The following POLE variants were observed in gnomAD, a reference collection of about 807,000 sequenced individuals.
POLE encodes the protein DNA polymerase epsilon catalytic subunit A.
POLE carries 188 observed loss-of-function variants against 279.2 expected under a neutral mutation model. The ratio of observed to expected loss-of-function variants is 0.67; its 90% CI spans 0.60 to 0.76. The LOEUF is 0.76. Ranked by LOEUF, POLE falls within the 30% of genes least tolerant of loss-of-function variation. The probability of loss-of-function intolerance (pLI) is 0.00; values close to 1 mark genes in which losing one functional copy is unlikely to be tolerated. For synonymous variants in POLE, 1,214 were observed against 1,172.5 expected (o/e 1.04, Z -0.72); for missense variants, 2,703 against 3,016.7 (o/e 0.90, Z 2.44).
rs534045598 is a variant in POLE, at chr12:132,639,067, G to A, written c.5552+58C>T. On this transcript the variant is annotated intron_variant, in intron 40 of 48. Coordinates refer to ENST00000320574, the MANE Select transcript of POLE (RefSeq NM_006231.4). The surrounding 1 kb of genome is among the most constrained non-coding windows in gnomAD (Gnocchi z 4.7). Reference sequence around the variant, plus strand: ...CTGGCCATGTCTCTGGTTCTGGGGAGTAAGGGACCAGCCCAGCTGAGGACG... The same window carrying A: ...CTGGCCATGTCTCTGGTTCTGGGGAATAAGGGACCAGCCCAGCTGAGGACG... 2.8e-5 allele frequency: 42 copies of A among 1,491,592 alleles called. No individual in the cohort carries two copies. The African/African-American group carries it at 4.5e-4, about 16-fold the overall frequency. 92.4% of individuals were successfully genotyped at this position (1,491,592 alleles called of 1,614,324 possible).
At chr12:132,636,058 G>A (rs2138487944) in intron 41 of POLE, 34 bp from the exon 42 acceptor site, 1 of 1,597,522 alleles carries the variant, frequency 6.3e-7, no homozygotes, top group South Asian at 1.1e-5. Context: ...CTGCTTCAGT[G>A]AAATCGACCT....
chr12:132,638,189 G>A (rs771713606), intron 40 of POLE, 50 bp from the exon 41 acceptor site: 7 of 1,568,230 alleles, frequency 4.5e-6, no homozygotes, highest in Non-Finnish European at 6.1e-6. Flanking sequence ...GTCATGGAGA[G>A]CCAGAGGGCA....
intron 1 of POLE, 59 bp from the exon 2 acceptor site, chr12:132,681,338 TTTTTC>T: frequency 6.6e-7 from 1 of 1,522,916 alleles, no homozygotes; most frequent in Non-Finnish European, 8.9e-7. Flanking sequence ...GCTGCTTCTT[TTTTTC>T]TTTTTTTTCT....
rs2042986332 is a variant in POLE, at chr12:132,673,875, C to T, written c.1227-168G>A. 1.3e-5 allele frequency among the ~76,000 whole-genome samples: 2 copies of T among 152,204 alleles called. 1 individual carries two copies. Among genetic ancestry groups the T allele is most frequent in the South Asian group, 4.1e-4 (2 of 4,836 alleles). On this transcript the variant is annotated intron_variant, in intron 12 of 48. Coordinates refer to ENST00000320574, the MANE Select transcript of POLE (RefSeq NM_006231.4). ...GTGTAGACACCTTGTGAAAACCCTTCATCAGGATCTAGTTAATCTCACAGA... is the reference window on the plus strand; with the variant it reads ...GTGTAGACACCTTGTGAAAACCCTTTATCAGGATCTAGTTAATCTCACAGA...
rs2135949033 is a variant in POLE at position 132,661,622 on chromosome 12, G to A, written c.2769C>T (p.Thr923=). 6.2e-7 allele frequency: 1 copy of A among 1,614,176 alleles called. No homozygotes were observed. The highest frequency in any genetic ancestry group is 8.5e-7 in the Non-Finnish European group (1 of 1,180,032). ...CAAAAAAGATGCTGTTCTCTGAGCG[G>A]GTGACGTAGGTGAGTGAGGACGGCT... ...LAEPSSLTYV[T]RSENSIFFEV... The change falls in exon 24 of 49, where the codon ACC becomes ACT. Residue 923 remains threonine, a synonymous_variant. Coordinates refer to ENST00000320574, the MANE Select transcript of POLE (RefSeq NM_006231.4). This position sits in a 1 kb window ranked among gnomAD's most constrained non-coding sequence, Gnocchi z 4.1.
At chr12:132,626,038 C>A (rs1055093799) in intron 46 of POLE, 79 bp downstream of exon 46, 6 of 1,391,368 alleles carry the variant, frequency 4.3e-6, no homozygotes, top group Non-Finnish European at 6.0e-6. Flanking sequence ...AGAGCTGGAG[C>A]TGCAGAAGCC....
chr12:132,680,180 T>C lies in POLE; in HGVS notation c.328A>G (p.Lys110Glu), dbSNP rs1361832143. ...CTGAGTCTATGAAACACACTCACCT[T>C]TCTGGTCGCAATGTAGAAATACGGT... ...YKPYFYIATR[K>E]GCEREVSSFL... is the part of the protein sequence containing the mutation. Residue 110 changes from lysine to glutamate, a missense_variant and splice_region_variant, in exon 4 of 49, where the codon AAG becomes GAG. Lys to Glu is a moderately conservative substitution (Grantham distance 56, BLOSUM62 1). Coordinates refer to ENST00000320574, the MANE Select transcript of POLE (RefSeq NM_006231.4). 1.2e-6 allele frequency: 2 copies of C among 1,614,094 alleles called. No homozygotes were observed. The highest frequency in any genetic ancestry group is 1.7e-6 in the Non-Finnish European group (2 of 1,179,926).
intron 2 of POLE, 89 bp from the exon 3 acceptor site, chr12:132,680,776 T>C: frequency 9.8e-7 from 1 of 1,020,190 alleles, no homozygotes; most frequent in East Asian, 2.4e-5. Flanking sequence ...ACTCAGCACT[T>C]TAGAAACAAA....
Position 132,680,273 on chromosome 12 carries a change from G to A in POLE, c.286-51C>T. 3.2e-6 allele frequency: 5 copies of A among 1,542,746 alleles called. No individual in the cohort carries two copies. The South Asian group carries it at 4.5e-5, about 14-fold the overall frequency. On this transcript the variant is annotated intron_variant, in intron 3 of 48. Transcript: ENST00000320574. ...GGGGTGATGAGAAAGAAGAAAGCGA[G>A]AGAAAAGTGAAAACACATTGCTTGC... is the stretch of plus-strand genomic sequence containing the variant.
intron 12 of POLE, among the ~76,000 whole-genome samples, chr12:132,674,149 CAAG>C (rs952576594): frequency 1.5e-4 from 22 of 151,630 alleles, no homozygotes; most frequent in Non-Finnish European, 2.8e-4. Context: ...GATCAGATGC[CAAG>C]AAGAATAAAA....
intron 41 of POLE, among the ~76,000 whole-genome samples, chr12:132,637,538 G>A (rs1247193692): frequency 2.0e-5 from 3 of 152,222 alleles, no homozygotes; most frequent in African/African-American, 7.2e-5. Flanking sequence ...GGAACCTCAG[G>A]AACATGGCCT....
rs5744744 is a variant in POLE at position 132,679,216 on chromosome 12, G to A, written c.578+281C>T. On this transcript the variant is annotated intron_variant, in intron 6 of 48. Transcript: ENST00000320574. The stretch of plus-strand genomic sequence containing the variant: ...GGATTGTGTTAGGGCAGTAGGATGA[G>A]GGATCTTTTCCCCTCTAAGGTGACT... 3.8e-3 allele frequency among the ~76,000 whole-genome samples: 572 copies of A among 152,282 alleles called. 6 individuals are homozygous for A. Among genetic ancestry groups the A allele is most frequent in the African/African-American group, 0.013 (554 of 41,560 alleles).
chr12:132,674,272 CA>C (rs947559420), intron 12 of POLE, among the ~76,000 whole-genome samples: 1 of 152,084 alleles, frequency 6.6e-6, no homozygotes, highest in Admixed American at 6.5e-5. Context: ...AGCAGCTGTC[CA>C]GGGGTCATGT....
chr12:132,674,671 G>A lies in POLE; in HGVS notation c.1226+727C>T, dbSNP rs5744763. Among the ~76,000 whole-genome samples the A allele has an allele frequency of 3.6e-3, 548 of 152,202 alleles. 7 individuals are homozygous for A. The highest frequency in any genetic ancestry group is 0.013 in the African/African-American group (528 of 41,522). On this transcript the variant is annotated intron_variant, in intron 12 of 48. Coordinates refer to ENST00000320574, the MANE Select transcript of POLE (RefSeq NM_006231.4). ...TGCCTTGGATCAGGACTGTCACACC[G>A]TCACACGCTAAACCGGCCCCAGCCT...
chr12:132,625,827 T>G (rs1206972773), intron 46 of POLE, 57 bp from the exon 47 acceptor site: 2 of 1,585,262 alleles, frequency 1.3e-6, no homozygotes, highest in African/African-American at 2.7e-5. Context: ...CACAGTGCCA[T>G]GGGCAGGATC....
intron 8 of POLE, 30 bp from the exon 9 acceptor site, chr12:132,676,683 G>A (rs776484081): frequency 2.1e-6 from 3 of 1,416,116 alleles, no homozygotes; most frequent in Non-Finnish European, 3.0e-6. Context: ...ATAAAGCCAA[G>A]CTCTAAACTC....
At chr12:132,665,183 C>A (rs2042764078) in intron 21 of POLE, 119 bp downstream of exon 21, 2 of 1,127,262 alleles carry the variant, frequency 1.8e-6, no homozygotes, top group Non-Finnish European at 2.6e-6. Flanking sequence ...CTTCTCCCTC[C>A]AACATTCCTT....
At chr12:132,671,262 CAAAAAAAAAAAAAAA>C (rs397850854) in intron 16 of POLE, among the ~76,000 whole-genome samples, 3 of 64,496 alleles carry the variant, frequency 4.7e-5, no homozygotes, top group African/African-American at 1.3e-4. Context: ...GACTCCGTCT[CAAAAAAAAAAAAAAA>C]AAAAAAAAAA....
At position 132,657,367 on chromosome 12, in the gene POLE, G is replaced by A. The variant is rs748278223; in HGVS notation, c.3441C>T (p.Ile1147=). ...CCCTTACCTGCTGCAGGGCCGCAGGGATGGTGATGATCTTCTGGATGGCGC... is the reference window on the plus strand; with the variant it reads ...CCCTTACCTGCTGCAGGGCCGCAGGAATGGTGATGATCTTCTGGATGGCGC... ...LGSAIQKIIT[I]PAALQQVKNP... The change falls in exon 28 of 49, where the codon ATC becomes ATT. Residue 1147 remains isoleucine (I), a synonymous_variant. Coordinates refer to ENST00000320574, the MANE Select transcript of POLE (RefSeq NM_006231.4). 2.0e-5 allele frequency: 33 copies of A among 1,613,984 alleles called. No homozygotes were observed. Among genetic ancestry groups the A allele is most frequent in the African/African-American group, 5.3e-5 (4 of 74,906 alleles).
Sources: gnomAD v4.1 joint callset for allele counts (sites outside exome capture counted in the v4.1 genomes callset) on GRCh38, gnomAD v4.1.1 for gene constraint, Gnocchi (gnomAD v3.1) non-coding constraint, MANE v1.5 for transcripts, NCBI Gene and HGNC (gene_info 2026-07-23, HGNC 2026-07-21) for gene names.